SUSD5: variants seen among roughly 807,000 people sequenced by gnomAD.
The protein encoded by SUSD5 is sushi domain-containing protein 5.
Under a neutral mutation model 29.5 loss-of-function variants are expected in SUSD5, and 33 were observed. The ratio of observed to expected loss-of-function variants is 1.12; its 90% CI spans 0.85 to 1.49. The LOEUF (loss-of-function observed/expected upper bound fraction) is 1.49. Among genes scored for constraint, SUSD5 ranks in the 40% most tolerant of loss-of-function variants. The probability of loss-of-function intolerance (pLI) is 0.00; values close to 1 mark genes in which losing one functional copy is unlikely to be tolerated. For synonymous variants in SUSD5, 308 were observed against 325.3 expected, an observed-to-expected ratio of 0.95 and a Z score of 0.57; for missense variants, 776 against 800.6, an observed-to-expected ratio of 0.97 and a Z score of 0.37.
At chr3:33,186,382 C>T (rs1575537314) in intron 3 of SUSD5, among the ~76,000 whole-genome samples, 1 of 151,276 alleles carries the variant, frequency 6.6e-6, no homozygotes, top group South Asian at 2.1e-4. Context: ...TTTAAGCCAC[C>T]CTGACTGGCC....
At chr3:33,181,541 T>A (rs921247749) in intron 3 of SUSD5, among the ~76,000 whole-genome samples, 6 of 151,828 alleles carry the variant, frequency 4.0e-5, no homozygotes, top group Admixed American at 3.9e-4. Flanking sequence ...CCTAGATATT[T>A]TTTTCCCCCT....
rs764731098 is a variant in SUSD5, at chr3:33,214,024, C to G, written c.194G>C (p.Gly65Ala). The change falls in exon 2 of 5, where the codon GGC (glycine) becomes GCC (alanine). Residue 65 changes from glycine (G) to alanine (A), a missense_variant. Physicochemically the swap from Gly to Ala is moderately conservative, Grantham distance 60. Coordinates refer to ENST00000309558, the MANE Select transcript of SUSD5 (RefSeq NM_015551.2). ...CTCGTCTGCAGATGCCAGGTGAGCGCCCCTGCTCTTGCAGGAAAGCCGAGC... is the reference window on the plus strand; with the variant it reads ...CTCGTCTGCAGATGCCAGGTGAGCGGCCCTGCTCTTGCAGGAAAGCCGAGC... Reference protein sequence around the residue: ...EAARLSCKSRGAHLASADELR... With the variant: ...EAARLSCKSRAAHLASADELR... 1.9e-6 allele frequency: 3 copies of G among 1,613,748 alleles called. 1 individual carries two copies. In the South Asian group the frequency reaches 3.3e-5, roughly 18 times the overall value.
intron 4 of SUSD5, among the ~76,000 whole-genome samples, chr3:33,157,436 C>T (rs945234202): frequency 6.6e-6 from 1 of 152,168 alleles, no homozygotes; most frequent in Non-Finnish European, 1.5e-5. Flanking sequence ...AACATACAGA[C>T]AAGTCACACT....
intron 3 of SUSD5, among the ~76,000 whole-genome samples, chr3:33,178,668 A>T (rs1390907843): frequency 6.6e-6 from 1 of 152,060 alleles, no homozygotes; most frequent in African/African-American, 2.4e-5. Flanking sequence ...GGATGGTCTC[A>T]ATCTCGTGAC....
At chr3:33,214,615 T>A (rs532086370) in intron 1 of SUSD5, among the ~76,000 whole-genome samples, 245 of 152,284 alleles carry the variant, frequency 1.6e-3, no homozygotes, top group African/African-American at 5.2e-3. Context: ...GTGTCTGCTG[T>A]ACTTCTGTCC....
chr3:33,187,598 C>A (rs886608970), intron 3 of SUSD5, among the ~76,000 whole-genome samples: 2 of 151,970 alleles, frequency 1.3e-5, no homozygotes, highest in Non-Finnish European at 2.9e-5. Flanking sequence ...GGCTATATAC[C>A]TGGACCTTCT....
In SUSD5 at chr3:33,152,095, T is replaced by C. The variant is rs569889604; in HGVS notation, c.*647A>G. 45 of 152,350 alleles carry C rather than the reference T, an allele frequency of 3.0e-4. 1 individual carries two copies. In the Middle Eastern group the frequency reaches 0.01, roughly 35 times the overall value. The allele number at this position is 152,350 out of a possible 1,614,324, so 9.4% of individuals were successfully genotyped here. On this transcript the variant is annotated 3_prime_UTR_variant, in exon 5 of 5. Coordinates refer to ENST00000309558, the MANE Select transcript of SUSD5 (RefSeq NM_015551.2). ...GGTTTATCATGACTATTTATAAAATTTCAGGGCATGAAGCTGGTGATTTTC... is the reference window on the plus strand; with the variant it reads ...GGTTTATCATGACTATTTATAAAATCTCAGGGCATGAAGCTGGTGATTTTC...
chr3:33,208,186 T>C (rs2032259006), intron 2 of SUSD5, among the ~76,000 whole-genome samples: 1 of 152,242 alleles, frequency 6.6e-6, no homozygotes, highest in Non-Finnish European at 1.5e-5. Context: ...ATTATGTTGG[T>C]TTTTATTTCA....
chr3:33,197,536 A>G (rs1473034658), intron 3 of SUSD5, among the ~76,000 whole-genome samples: 5 of 151,166 alleles, frequency 3.3e-5, no homozygotes, highest in African/African-American at 1.2e-4. Context: ...AAATGTATCC[A>G]ATTGTATAAC....
rs1439618117 is a variant in SUSD5 at position 33,184,451 on chromosome 3, T to A, written c.410-9377A>T. 3.3e-5 allele frequency among the ~76,000 whole-genome samples: 5 copies of A among 152,220 alleles called. No homozygotes were observed. The East Asian group carries it at 9.6e-4, about 29-fold the overall frequency. On this transcript the variant is annotated intron_variant, in intron 3 of 4. Transcript: ENST00000309558. ...TGGTGTACTCTGAGCTCCCCAGATC[T>A]GTGGTTGGTTGTCCGACATTAATTT...
Position 33,152,888 on chromosome 3 carries a change from C to T in SUSD5, c.1744G>A (p.Val582Ile), listed in dbSNP as rs757173045. The stretch of plus-strand genomic sequence containing the variant: ...GCCAGGAGCAGCAGTAGGCACAGGA[C>T]GGTGACAATGGTGGCGATCACAGGG... ...RGPVIATIVT[V>I]LCLLLLLAGV... Residue 582 changes from valine (V) to isoleucine (I), a missense_variant, in exon 5 of 5, where the codon GTC becomes ATC. By Grantham distance (29) the Val-to-Ile change is conservative. Coordinates refer to ENST00000309558, the MANE Select transcript of SUSD5 (RefSeq NM_015551.2). The T allele has an allele frequency of 3.2e-5, 52 of 1,613,908 alleles. No individual in the cohort carries two copies. Among genetic ancestry groups the T allele is most frequent in the Admixed American group, 6.7e-5 (4 of 60,012 alleles).
intron 3 of SUSD5, among the ~76,000 whole-genome samples, chr3:33,181,604 CTCA>C (rs1266286349): frequency 6.6e-6 from 1 of 152,082 alleles, no homozygotes; most frequent in Non-Finnish European, 1.5e-5. Context: ...AACTCTTGGG[CTCA>C]AATGATCCTC....
chr3:33,213,773 CAAACAAAACAAAACA>C (rs577823372), intron 2 of SUSD5, among the ~76,000 whole-genome samples, 140 bp downstream of exon 2: 3 of 151,902 alleles, frequency 2.0e-5, no homozygotes, highest in Admixed American at 6.5e-5. Flanking sequence ...GACTCCATCT[CAAACAAAACAAAACA>C]AAACAAAACA....
chr3:33,190,451 A>T (rs942399212), intron 3 of SUSD5: 1 of 152,340 alleles, frequency 6.6e-6, no homozygotes, highest in Admixed American at 6.5e-5. Context: ...TTATATTGTG[A>T]AATTTTCTCC....
chr3:33,156,089 A>G (rs542765898), intron 4 of SUSD5, among the ~76,000 whole-genome samples: 63 of 151,120 alleles, frequency 4.2e-4, no homozygotes, highest in Non-Finnish European at 7.8e-4. Flanking sequence ...CTCCTAGGCT[A>G]GAGTGCAATG....
intron 3 of SUSD5, among the ~76,000 whole-genome samples, chr3:33,188,271 A>G (rs1284402845): frequency 4.6e-5 from 7 of 152,214 alleles, no homozygotes; most frequent in African/African-American, 9.7e-5. Flanking sequence ...GCAAAACTCA[A>G]TTATTACTTT....
At chr3:33,186,583 T>G (rs190064698) in intron 3 of SUSD5, among the ~76,000 whole-genome samples, 1 of 151,734 alleles carries the variant, frequency 6.6e-6, no homozygotes, top group South Asian at 2.1e-4. Flanking sequence ...CGTGCCACCA[T>G]GCCCAGCTAA....
At chr3:33,192,948 C>T (rs563310939) in intron 3 of SUSD5, among the ~76,000 whole-genome samples, 24 of 152,272 alleles carry the variant, frequency 1.6e-4, no homozygotes, top group Admixed American at 5.2e-4. Context: ...TTACTATACA[C>T]TTATGTATGT....
chr3:33,159,832 A>G (rs1279534533), intron 4 of SUSD5, among the ~76,000 whole-genome samples: 1 of 152,202 alleles, frequency 6.6e-6, no homozygotes, highest in African/African-American at 2.4e-5. Flanking sequence ...ACGAAAAGGG[A>G]ATAATATATT....
Sources: allele counts gnomAD v4.1 joint callset (sites outside exome capture counted in the v4.1 genomes callset), GRCh38; gene constraint gnomAD v4.1.1; transcripts MANE v1.5; gene names NCBI Gene and HGNC (gene_info 2026-07-23, HGNC 2026-07-21).